The following DIDO1 variants were observed in gnomAD, a reference collection of about 807,000 sequenced individuals.
The protein encoded by DIDO1 is death-inducer obliterator 1.
DIDO1 carries 16 observed loss-of-function variants against 99.4 expected under a neutral mutation model. That is an observed-to-expected ratio of 0.16 (90% CI 0.11 to 0.24). The LOEUF (loss-of-function observed/expected upper bound fraction) is 0.24. DIDO1 is among the 10% of genes least tolerant of loss of function. DIDO1 has a pLI of 1.00. For synonymous variants in DIDO1, 1,366 were observed against 1,239.1 expected (o/e 1.10, Z -2.15); for missense variants, 2,996 against 3,014.0 (o/e 0.99, Z 0.14).
intron 4 of DIDO1, among the ~76,000 whole-genome samples, chr20:62,908,186 G>A (rs1023350898): frequency 6.6e-6 from 1 of 152,052 alleles, no homozygotes; most frequent in Admixed American, 6.6e-5. Flanking sequence ...TCACTACGTT[G>A]CCCAGGCTGG....
At chr20:62,936,350 C>A (rs543043847) in intron 1 of DIDO1, among the ~76,000 whole-genome samples, 2 of 151,146 alleles carry the variant, frequency 1.3e-5, no homozygotes, top group African/African-American at 2.4e-5. Context: ...GTCAGGAGTT[C>A]GAGACCAGCC....
intron 1 of DIDO1, among the ~76,000 whole-genome samples, chr20:62,919,938 A>G (rs541696931): frequency 6.6e-6 from 1 of 152,334 alleles, no homozygotes; most frequent in East Asian, 1.9e-4. Context: ...AGTGAGGTTT[A>G]TTGTTCTCTA....
upstream of DIDO1, chr20:62,929,137 A>G (rs998681424): frequency 1.2e-4 from 19 of 152,238 alleles, no homozygotes; most frequent in African/African-American, 4.6e-4. Context: ...GCGAAGGAGC[A>G]CCAGCGCTTC....
rs369859465 is a variant in DIDO1, at chr20:62,881,301, C to T, written c.4655G>A (p.Ser1552Asn). 5.0e-6 allele frequency: 8 copies of T among 1,604,850 alleles called. No individual in the cohort carries two copies. In the African/African-American group the frequency reaches 6.7e-5, roughly 13 times the overall value. The change falls in exon 16 of 16, where the codon AGC becomes AAC. Residue 1552 changes from serine (S) to asparagine (N), a missense_variant. By Grantham distance (46) the Ser-to-Asn change is conservative (BLOSUM62 1). This residue lies in a region of DIDO1 where 1,562 missense variants were observed against 1,412.6 expected (regional missense o/e 1.11). Transcript: ENST00000395343. This position sits in a 1 kb window ranked among gnomAD's most constrained non-coding sequence, Gnocchi z 8.3. ...ADKPASLPPA[S>N]QASNHRDPRQ... is the part of the protein sequence containing the mutation. ...GGGGTCCCTGTGGTTTGACGCCTGGCTGGCGGGGGGCAGTGAGGCGGGCTT... is the reference window on the plus strand; with the variant it reads ...GGGGTCCCTGTGGTTTGACGCCTGGTTGGCGGGGGGCAGTGAGGCGGGCTT...
In DIDO1 at chr20:62,897,610, C is replaced by T. The variant is rs865832603; in HGVS notation, c.1589-614G>A. Among the ~76,000 whole-genome samples the T allele has an allele frequency of 1.2e-4, 19 of 152,346 alleles. No homozygotes were observed. The Middle Eastern group carries it at 0.01, about 82-fold the overall frequency. ...AGCTGAGAACGCAGCAATGCTGTTA[C>T]AGGAATGCGTCCATTCACAGCCCTC... On this transcript the variant is annotated intron_variant, in intron 6 of 15. Coordinates refer to ENST00000395343, the MANE Select transcript of DIDO1 (RefSeq NM_001193369.2).
At position 62,911,842 on chromosome 20, in the gene DIDO1, G is replaced by C. The variant is rs571511711; in HGVS notation, c.-2-228C>G. Among the ~76,000 whole-genome samples, 7 of 152,330 alleles carry C rather than the reference G, an allele frequency of 4.6e-5. No individual in the cohort carries two copies. The East Asian group carries it at 1.3e-3, about 29-fold the overall frequency. On this transcript the variant is annotated intron_variant, in intron 2 of 15. Coordinates refer to ENST00000395343, the MANE Select transcript of DIDO1 (RefSeq NM_001193369.2). This position sits in a 1 kb window ranked among gnomAD's most constrained non-coding sequence, Gnocchi z 7.0. ...CAACTAACGTTTAGACAAAAATACAGCTAACAAATCAAATGTACAATTTCA... is the reference window on the plus strand; with the variant it reads ...CAACTAACGTTTAGACAAAAATACACCTAACAAATCAAATGTACAATTTCA...
chr20:62,918,308 ACT>A (rs2065074348), intron 1 of DIDO1, among the ~76,000 whole-genome samples: 1 of 152,214 alleles, frequency 6.6e-6, no homozygotes, highest in Admixed American at 6.5e-5. Flanking sequence ...AAGCGTGCCC[ACT>A]TCCAGGTTGT....
At chr20:62,901,936 G>C (rs2064692358) in intron 6 of DIDO1, among the ~76,000 whole-genome samples, 1 of 151,928 alleles carries the variant, frequency 6.6e-6, no homozygotes, top group African/African-American at 2.4e-5. Context: ...TGCACTCTGT[G>C]ACACCGAGAA....
rs1568845385 is a variant in DIDO1 at position 62,894,851 on chromosome 20, T to C, written c.2395A>G (p.Ile799Val). The C allele has an allele frequency of 6.2e-7, 1 of 1,614,188 alleles. No homozygotes were observed. The highest frequency in any genetic ancestry group is 1.1e-5 in the South Asian group (1 of 91,072). Residue 799 changes from isoleucine to valine, a missense_variant, in exon 10 of 16, where the codon ATC (isoleucine) becomes GTC (valine). Around this residue, in one of 5 missense-constraint regions of DIDO1, gnomAD observed 898 missense variants for 972.7 expected, o/e 0.92. Transcript: ENST00000395343. This position sits in a 1 kb window ranked among gnomAD's most constrained non-coding sequence, Gnocchi z 4.4. ...SKKTAPRQEAIPDLEDSPPVS... is the reference protein window; with the variant it reads ...SKKTAPRQEAVPDLEDSPPVS... ...GGCGGAGAGTCCTCCAGATCGGGGA[T>C]GGCCTCCTGCCTGGGGGCCGTCTTC... is the stretch of plus-strand genomic sequence containing the variant.
Position 62,891,003 on chromosome 20 carries a change from G to C in DIDO1, c.3498C>G (p.Ala1166=), listed in dbSNP as rs1158425164. 6.2e-7 allele frequency: 1 copy of C among 1,614,146 alleles called. No individual in the cohort carries two copies. The highest frequency in any genetic ancestry group is 8.5e-7 in the Non-Finnish European group (1 of 1,180,044). Residue 1166 remains alanine, a synonymous_variant, in exon 15 of 16, where the codon GCC becomes GCG. Transcript: ENST00000395343. ...AGAGTTTGGATGGAACAGGGTCCTGGGCGCTCAGCGGGATCAGGTAGAGGT... is the reference window on the plus strand; with the variant it reads ...AGAGTTTGGATGGAACAGGGTCCTGCGCGCTCAGCGGGATCAGGTAGAGGT... ...VKDLYLIPLS[A]QDPVPSKLLP...
Position 62,895,787 on chromosome 20 carries a change from G to A in DIDO1, c.2214+446C>T, listed in dbSNP as rs553467739. Among the ~76,000 whole-genome samples, 3 of 152,340 alleles carry A rather than the reference G, an allele frequency of 2.0e-5. No homozygotes were observed. The South Asian group carries it at 6.2e-4, about 32-fold the overall frequency. ...TGGGCGTGAGCAGCCCCTGCTCCAA[G>A]TGGTGAGAACTCAAGCAGCCCAAAC... On this transcript the variant is annotated intron_variant, in intron 8 of 15. Coordinates refer to ENST00000395343, the MANE Select transcript of DIDO1 (RefSeq NM_001193369.2).
intron 12 of DIDO1, 106 bp from the exon 13 acceptor site, chr20:62,893,068 G>T: frequency 8.0e-7 from 1 of 1,252,648 alleles, no homozygotes; most frequent in Non-Finnish European, 1.1e-6. Context: ...ATTCTGTCAT[G>T]CAGGCTGGAG....
chr20:62,913,544 G>A (rs764403059), intron 2 of DIDO1, among the ~76,000 whole-genome samples: 6 of 152,234 alleles, frequency 3.9e-5, no homozygotes, highest in South Asian at 2.1e-4. Context: ...TGGTTTATTC[G>A]TTCTCATTGG....
intron 1 of DIDO1, among the ~76,000 whole-genome samples, chr20:62,918,106 C>G (rs937397270): frequency 6.6e-6 from 1 of 152,306 alleles, no homozygotes; most frequent in African/African-American, 2.4e-5. Context: ...CCTCAGATTC[C>G]CCAACTCACC....
chr20:62,882,122 G>C lies in DIDO1; in HGVS notation c.3834C>G (p.Ser1278=). Residue 1278 remains serine, a synonymous_variant, in exon 16 of 16, where the codon TCC becomes TCG. Coordinates refer to ENST00000395343, the MANE Select transcript of DIDO1 (RefSeq NM_001193369.2). ...CTGGGCTGGGGGCTGCAGGTTTGAGGGATGACAGCACTTTTAGCACCGGTG... is the reference window on the plus strand; with the variant it reads ...CTGGGCTGGGGGCTGCAGGTTTGAGCGATGACAGCACTTTTAGCACCGGTG... ...PEPPVLKVLS[S]LKPAAPSPAT... is the part of the protein sequence containing the mutation. The C allele has an allele frequency of 1.2e-6, 2 of 1,613,206 alleles. No individual in the cohort carries two copies. Among genetic ancestry groups the C allele is most frequent in the Non-Finnish European group, 1.7e-6 (2 of 1,180,030 alleles).
chr20:62,907,009 G>T (rs776800232), intron 5 of DIDO1, 138 bp downstream of exon 5: 22 of 833,574 alleles, frequency 2.6e-5, no homozygotes, highest in East Asian at 4.9e-5. Flanking sequence ...GAAGGTGGAA[G>T]ACAAAGGTCA....
At position 62,878,626 on chromosome 20, in the gene DIDO1, G is replaced by A. The variant is rs1568816468; in HGVS notation, c.*607C>T. 1 of 152,208 alleles carries A rather than the reference G, an allele frequency of 6.6e-6. No homozygotes were observed. Among genetic ancestry groups the A allele is most frequent in the Non-Finnish European group, 1.5e-5 (1 of 68,040 alleles). The allele number at this position is 152,208 out of a possible 1,614,324, so 9.4% of individuals were successfully genotyped here. A position where few individuals can be genotyped will look rare whatever the true frequency, so the allele number is the denominator to read the frequency against. On this transcript the variant is annotated 3_prime_UTR_variant, in exon 16 of 16. Coordinates refer to ENST00000395343, the MANE Select transcript of DIDO1 (RefSeq NM_001193369.2). ...TAGGACAGATGTTGCTTTAAATCATGTTTTGGAAAAAATTGATAAGGTGAT... is the reference window on the plus strand; with the variant it reads ...TAGGACAGATGTTGCTTTAAATCATATTTTGGAAAAAATTGATAAGGTGAT...
rs2064536620 is a variant in DIDO1 at position 62,896,743 on chromosome 20, G to A, written c.1842C>T (p.Ala614=). 2.5e-6 allele frequency: 4 copies of A among 1,613,400 alleles called. No homozygotes were observed. Among genetic ancestry groups the A allele is most frequent in the Admixed American group, 1.7e-5 (1 of 59,998 alleles). Residue 614 remains alanine, a synonymous_variant, in exon 7 of 16, where the codon GCC becomes GCT. Transcript: ENST00000395343. This position sits in a 1 kb window ranked among gnomAD's most constrained non-coding sequence, Gnocchi z 4.4. ...PSSGASAARQ[A]GPAPAAATAA... ...CCGTTGCCGCTGCAGGTGCCGGTCC[G>A]GCCTGCCTGGCAGCTGAAGCACCAC...
chr20:62,887,567 G>C (rs547204708), intron 15 of DIDO1: 2 of 985,322 alleles, frequency 2.0e-6, no homozygotes, highest in Middle Eastern at 5.2e-4. Context: ...TTTATGGACC[G>C]AGGTTACTCC....
Sources: allele counts gnomAD v4.1 joint callset (sites outside exome capture counted in the v4.1 genomes callset), GRCh38; gene constraint gnomAD v4.1.1; regional missense constraint gnomAD v4.1.1; non-coding constraint Gnocchi (gnomAD v3.1); transcripts MANE v1.5; gene names NCBI Gene and HGNC (gene_info 2026-07-23, HGNC 2026-07-21).